The following MICAL2 variants were observed in gnomAD, a reference collection of about 807,000 sequenced individuals.
MICAL2 encodes [F-actin]-monooxygenase MICAL2.
A neutral mutation model predicts 127.3 loss-of-function variants in MICAL2; 77 were observed. The ratio of observed to expected loss-of-function variants is 0.60; its 90% CI spans 0.50 to 0.73. The LOEUF is 0.73. Ranked by LOEUF, MICAL2 falls within the 30% of genes least tolerant of loss-of-function variation. MICAL2 has a pLI of 0.00. For synonymous variants in MICAL2, 570 were observed against 551.1 expected (o/e 1.03, Z -0.48); for missense variants, 1,351 against 1,434.4 (o/e 0.94, Z 0.94).
At chr11:12,358,173 C>T (rs1232022543) in intron 34 of MICAL2, 1 of 970,512 alleles carries the variant, frequency 1.0e-6, no homozygotes, top group Non-Finnish European at 1.5e-6. Flanking sequence ...AAATTCATTT[C>T]CTTGTTTTCT....
chr11:12,126,612 G>T (rs1418776822), intron 1 of MICAL2, among the ~76,000 whole-genome samples: 1 of 151,802 alleles, frequency 6.6e-6, no homozygotes, highest in Non-Finnish European at 1.5e-5. Context: ...ATGTGCCCTA[G>T]GCTCTGTGCT....
chr11:12,258,390 T>C (rs2270513), intron 24 of MICAL2, 78 bp from the exon 25 acceptor site: 367,700 of 1,082,386 alleles, frequency 0.34, 65,372 homozygotes, highest in East Asian at 0.51. Flanking sequence ...TGGACAGTGG[T>C]GGGCACTTGG....
intron 3 of MICAL2, among the ~76,000 whole-genome samples, chr11:12,165,466 G>A (rs924489696): frequency 2.6e-5 from 4 of 152,240 alleles, no homozygotes. Context: ...TTGCATACAT[G>A]TGGCTGATCA....
At chr11:12,174,967 CA>C (rs1472212597) in intron 3 of MICAL2, among the ~76,000 whole-genome samples, 1 of 151,642 alleles carries the variant, frequency 6.6e-6, no homozygotes, top group Non-Finnish European at 1.5e-5. Context: ...CAAAAAAATA[CA>C]AAAAAGTAGT....
chr11:12,358,124 C>G (rs1589926626), intron 34 of MICAL2, among the ~76,000 whole-genome samples: 2 of 152,316 alleles, frequency 1.3e-5, no homozygotes, highest in South Asian at 2.1e-4. Flanking sequence ...CCGCACACAC[C>G]TTTCTCATCT....
At chr11:12,318,825 A>G (rs572018193) in intron 29 of MICAL2, among the ~76,000 whole-genome samples, 1 of 152,304 alleles carries the variant, frequency 6.6e-6, no homozygotes, top group South Asian at 2.1e-4. Context: ...ACCTTATCAC[A>G]CATGGTCCCC....
chr11:12,297,478 T>C (rs1864000174), intron 29 of MICAL2, among the ~76,000 whole-genome samples: 1 of 152,122 alleles, frequency 6.6e-6, no homozygotes, highest in Non-Finnish European at 1.5e-5. Context: ...TTCTTGTTTG[T>C]GCTTGACTTT....
intron 20 of MICAL2, 87 bp from the exon 21 acceptor site, chr11:12,243,900 C>T (rs1860332430): frequency 2.7e-6 from 4 of 1,502,796 alleles, no homozygotes; most frequent in Non-Finnish European, 3.7e-6. Flanking sequence ...CTTGAGTGCA[C>T]AGGCATGGGA....
At chr11:12,271,919 C>T (rs1863680107), upstream of MICAL2, among the ~76,000 whole-genome samples, 1 of 152,132 alleles carries the variant, frequency 6.6e-6, no homozygotes, top group Admixed American at 6.5e-5. Flanking sequence ...GAAGTACCAG[C>T]TTCTTTTTTA....
chr11:12,169,807 C>G (rs935147609), intron 3 of MICAL2, among the ~76,000 whole-genome samples: 2 of 152,180 alleles, frequency 1.3e-5, no homozygotes, highest in East Asian at 3.8e-4. Context: ...GGTATGTGTG[C>G]TACATTTAAA....
At chr11:12,304,004 T>C (rs767527358) in intron 29 of MICAL2, among the ~76,000 whole-genome samples, 3 of 152,172 alleles carry the variant, frequency 2.0e-5, no homozygotes, top group Non-Finnish European at 4.4e-5. Flanking sequence ...CACTCCAGCC[T>C]GGGCAAGAGA....
At chr11:12,285,986 A>G (rs1863822259) in intron 2 of MICAL2, among the ~76,000 whole-genome samples, 1 of 152,184 alleles carries the variant, frequency 6.6e-6, no homozygotes, top group Non-Finnish European at 1.5e-5. Flanking sequence ...ATGGAGGCGC[A>G]GGGGCCTGAA....
intron 6 of MICAL2, among the ~76,000 whole-genome samples, chr11:12,212,005 C>A (rs1662871951): frequency 6.6e-6 from 1 of 152,190 alleles, no homozygotes; most frequent in Non-Finnish European, 1.5e-5. Context: ...GGGCCTGGAT[C>A]CCCCTGCATG....
chr11:12,208,104 A>C lies in MICAL2; in HGVS notation c.554A>C (p.Lys185Thr). Reference protein sequence around the residue: ...VEIHVNVEFVKVLEPPEDQEN... With the variant: ...VEIHVNVEFVTVLEPPEDQEN... Reference sequence around the variant, plus strand: ...ATCCATGTGAATGTGGAGTTCGTGAAGGTTCTAGAGCCTCCTGAAGATCAA... The same window carrying C: ...ATCCATGTGAATGTGGAGTTCGTGACGGTTCTAGAGCCTCCTGAAGATCAA... Residue 185 changes from lysine to threonine, a missense_variant, in exon 5 of 28, where the codon AAG becomes ACG. This residue lies in a region of MICAL2 where 599 missense variants were observed against 714.9 expected (regional missense o/e 0.84). Coordinates refer to ENST00000683283, the MANE Select transcript of MICAL2 (RefSeq NM_001282663.2). 1 of 1,614,160 alleles carries C rather than the reference A, an allele frequency of 6.2e-7. No individual in the cohort carries two copies. The highest frequency in any genetic ancestry group is 8.5e-7 in the Non-Finnish European group (1 of 1,179,984).
chr11:12,251,304 C>G (rs1861517582), intron 22 of MICAL2, among the ~76,000 whole-genome samples: 1 of 151,720 alleles, frequency 6.6e-6, no homozygotes, highest in South Asian at 2.1e-4. Flanking sequence ...TATATCCTCA[C>G]TCTGAGAGCC....
chr11:12,360,718 C>G (rs1423395010), downstream of MICAL2, among the ~76,000 whole-genome samples: 1 of 152,186 alleles, frequency 6.6e-6, no homozygotes, highest in Non-Finnish European at 1.5e-5. Flanking sequence ...GGTTTGGCCC[C>G]TAGTATTCTG....
intron 13 of MICAL2, 35 bp from the exon 14 acceptor site, chr11:12,226,136 T>C: frequency 3.1e-6 from 5 of 1,609,484 alleles, no homozygotes; most frequent in Non-Finnish European, 4.3e-6. Flanking sequence ...CTGCCTCCTC[T>C]CCCTGAATTT....
At chr11:12,229,138 A>G (rs1251911326) in intron 15 of MICAL2, among the ~76,000 whole-genome samples, 1 of 152,142 alleles carries the variant, frequency 6.6e-6, no homozygotes, top group African/African-American at 2.4e-5. Context: ...GGGCTGTGTG[A>G]GCAGTGGTCA....
At chr11:12,112,514 C>T (rs1300279635) in intron 1 of MICAL2, among the ~76,000 whole-genome samples, 7 of 150,802 alleles carry the variant, frequency 4.6e-5, no homozygotes, top group Non-Finnish European at 8.9e-5. Context: ...ATAACCTCTA[C>T]CTTAGGACTG....
Sources: allele counts gnomAD v4.1 joint callset (sites outside exome capture counted in the v4.1 genomes callset), GRCh38; gene constraint gnomAD v4.1.1; regional missense constraint gnomAD v4.1.1; transcripts MANE v1.5; gene names NCBI Gene and HGNC (gene_info 2026-07-23, HGNC 2026-07-21).